The following ADK variants were observed in gnomAD, a reference collection of about 807,000 sequenced individuals.
The protein encoded by ADK is N6,N6-dimethyladenosine kinase.
ADK carries 24 observed loss-of-function variants against 44.7 expected under a neutral mutation model. The ratio of observed to expected loss-of-function variants is 0.54; its 90% CI spans 0.39 to 0.76. The LOEUF (loss-of-function observed/expected upper bound fraction) is 0.76, where lower values mean the gene tolerates loss of function less well. Ranked by LOEUF, ADK falls within the 30% of genes least tolerant of loss-of-function variation. The pLI, the probability that ADK is intolerant of heterozygous loss-of-function variation, is 0.00. For missense variants in ADK, 321 were observed against 425.1 expected, an observed-to-expected ratio of 0.76 and a Z score of 2.15; for synonymous variants, 128 against 142.6, an observed-to-expected ratio of 0.90 and a Z score of 0.73.
chr10:74,243,788 A>G (rs1263454859), intron 3 of ADK, among the ~76,000 whole-genome samples: 1 of 152,144 alleles, frequency 6.6e-6, no homozygotes, highest in African/African-American at 2.4e-5. Flanking sequence ...GCTTGAACCC[A>G]GGAGTCAGAG....
intron 7 of ADK, among the ~76,000 whole-genome samples, chr10:74,547,197 AG>A (rs1384991197): frequency 4.6e-5 from 7 of 152,036 alleles, no homozygotes; most frequent in African/African-American, 1.7e-4. Context: ...GCTTAACCAT[AG>A]TACATATTCA....
At chr10:74,176,393 C>T (rs1842337897) in intron 1 of ADK, 1 of 953,016 alleles carries the variant, frequency 1.0e-6, no homozygotes, top group Admixed American at 5.9e-5. Context: ...CGAAGACCTG[C>T]CCTGACAGCG....
intron 10 of ADK, among the ~76,000 whole-genome samples, chr10:74,701,022 G>T (rs1198764565): frequency 6.6e-6 from 1 of 152,164 alleles, no homozygotes; most frequent in Non-Finnish European, 1.5e-5. Context: ...CCAGAGAACA[G>T]AAAATTAACC....
intron 4 of ADK, among the ~76,000 whole-genome samples, chr10:74,316,615 T>G (rs1486617533): frequency 6.6e-6 from 1 of 152,216 alleles, no homozygotes; most frequent in Admixed American, 6.5e-5. Context: ...ATTATAAGTT[T>G]TCAGAGGCCT....
At chr10:74,217,315 A>G (rs1221883345) in intron 2 of ADK, among the ~76,000 whole-genome samples, 2 of 152,188 alleles carry the variant, frequency 1.3e-5, no homozygotes, top group Non-Finnish European at 1.5e-5. Flanking sequence ...CGAGGCTGGG[A>G]GAGGGGCGCC....
At chr10:74,656,188 C>T (rs1195161194) in intron 9 of ADK, 2 of 257,624 alleles carry the variant, frequency 7.8e-6, no homozygotes, top group African/African-American at 4.6e-5. Context: ...ACATTTTGTT[C>T]TCGAATCTCT....
intron 1 of ADK, among the ~76,000 whole-genome samples, chr10:74,162,528 T>A (rs1841933986): frequency 7.4e-6 from 1 of 135,064 alleles, no homozygotes; most frequent in Non-Finnish European, 1.6e-5. Flanking sequence ...CTTTTGTGTG[T>A]GTGTGTGTGT....
intron 4 of ADK, among the ~76,000 whole-genome samples, chr10:74,347,386 C>G (rs1841813000): frequency 6.6e-6 from 1 of 151,984 alleles, no homozygotes; most frequent in Non-Finnish European, 1.5e-5. Context: ...GCTATCTGGC[C>G]CAGATACCAT....
intron 9 of ADK, among the ~76,000 whole-genome samples, chr10:74,614,259 C>T (rs1852663359): frequency 6.6e-6 from 1 of 152,026 alleles, no homozygotes; most frequent in Non-Finnish European, 1.5e-5. Context: ...AAATAAGAGG[C>T]AACCTATCCT....
chr10:74,532,025 ATAAT>A (rs372165405), intron 7 of ADK, among the ~76,000 whole-genome samples: 50 of 152,382 alleles, frequency 3.3e-4, no homozygotes, highest in African/African-American at 1.1e-3. Flanking sequence ...AATTCTTCAA[ATAAT>A]TTTAGCACAT....
rs574905509 is a variant in ADK, at chr10:74,410,681, AAAAC to A, written c.555+12122_555+12125del. Among the ~76,000 whole-genome samples, 661 of 152,274 alleles carry A rather than the reference AAAAC, an allele frequency of 4.3e-3. 2 individuals carry two copies. Among genetic ancestry groups the A allele is most frequent in the African/African-American group, 0.015 (621 of 41,552 alleles). On this transcript the variant is annotated intron_variant, in intron 6 of 10. Coordinates refer to ENST00000539909, the MANE Select transcript of ADK (RefSeq NM_006721.4). ...GGCTGACAGAGTGAGACTCTGTCTG[AAAAC>A]AAACAAACAAACAAACAAAAACTTA...
chr10:74,395,018 C>T (rs1592147129), intron 5 of ADK, among the ~76,000 whole-genome samples: 1 of 152,138 alleles, frequency 6.6e-6, no homozygotes, highest in Admixed American at 6.5e-5. Context: ...GCACTGCTAA[C>T]GTTATTACCA....
intron 2 of ADK, among the ~76,000 whole-genome samples, chr10:74,204,230 T>C (rs758936226): frequency 3.3e-5 from 5 of 152,142 alleles, no homozygotes; most frequent in Non-Finnish European, 5.9e-5. Context: ...TATGGGATTA[T>C]AGGTGTAAGC....
At chr10:74,223,810 C>T (rs1050257038) in intron 2 of ADK, among the ~76,000 whole-genome samples, 5 of 152,002 alleles carry the variant, frequency 3.3e-5, no homozygotes, top group African/African-American at 4.8e-5. Flanking sequence ...AACTTGAGGC[C>T]GGGTACGGTG....
chr10:74,584,320 A>G (rs565726589), intron 7 of ADK, among the ~76,000 whole-genome samples: 2 of 152,218 alleles, frequency 1.3e-5, no homozygotes. Flanking sequence ...CAACAATGCA[A>G]CGAAATAGGT....
chr10:74,314,664 T>C lies in ADK; in HGVS notation c.195-3T>C. On this transcript the variant is annotated splice_region_variant and splice_polypyrimidine_tract_variant and intron_variant, in intron 3 of 10. Coordinates refer to ENST00000539909, the MANE Select transcript of ADK (RefSeq NM_006721.4). ...ACTTTTTTCTACTGTGATTTCCTTA[T>C]AGGTTTGATGAACTTGTGAAAAAAT... 2 of 1,609,710 alleles carry C rather than the reference T, an allele frequency of 1.2e-6. No individual in the cohort carries two copies. Among genetic ancestry groups the C allele is most frequent in the African/African-American group, 1.3e-5 (1 of 74,956 alleles).
At chr10:74,547,954 G>A (rs147560122) in intron 7 of ADK, among the ~76,000 whole-genome samples, 2,143 of 152,172 alleles carry the variant, frequency 0.014, 28 homozygotes, top group Middle Eastern at 0.048. Context: ...CACCGCGCCC[G>A]GCCTAATTTT....
intron 2 of ADK, among the ~76,000 whole-genome samples, chr10:74,205,695 A>T (rs886686536): frequency 6.6e-6 from 1 of 151,246 alleles, no homozygotes; most frequent in African/African-American, 2.4e-5. Flanking sequence ...AAAAAAAAAA[A>T]GAAATGTAAT....
chr10:74,200,812 T>C lies in ADK; in HGVS notation c.114T>C (p.Ala38=). The change falls in exon 2 of 11, where the codon GCT becomes GCC. Residue 38 remains alanine, a synonymous_variant. Transcript: ENST00000539909. Reference sequence around the variant, plus strand: ...GAAATCCTCTGCTTGACATCTCTGCTGTAGTGGACAAAGATTTCCTTGATA... The same window carrying C: ...GAAATCCTCTGCTTGACATCTCTGCCGTAGTGGACAAAGATTTCCTTGATA... The part of the protein sequence containing the change: ...GMGNPLLDIS[A]VVDKDFLDKY... The C allele has an allele frequency of 6.2e-7, 1 of 1,611,138 alleles. No individual in the cohort carries two copies. Among genetic ancestry groups the C allele is most frequent in the Non-Finnish European group, 8.5e-7 (1 of 1,177,726 alleles).
Sources: allele counts gnomAD v4.1 joint callset (sites outside exome capture counted in the v4.1 genomes callset), GRCh38; gene constraint gnomAD v4.1.1; transcripts MANE v1.5; gene names NCBI Gene and HGNC (gene_info 2026-07-23, HGNC 2026-07-21).